Variants in MSI2 observed in about 807,000 individuals in gnomAD.
MSI2 encodes the protein RNA-binding protein Musashi homolog 2.
MSI2 carries 17 observed loss-of-function variants against 45.6 expected under a neutral mutation model. The observed-to-expected ratio is 0.37, with a 90% CI of 0.26 to 0.56. The LOEUF is 0.56. Ranked by LOEUF, MSI2 falls within the 20% of genes least tolerant of loss-of-function variation. The probability of loss-of-function intolerance (pLI) is 0.77; values close to 1 mark genes in which losing one functional copy is unlikely to be tolerated. For synonymous variants in MSI2, 156 were observed against 158.2 expected (o/e 0.99, Z 0.11); for missense variants, 293 against 444.2 (o/e 0.66, Z 3.06).
chr17:57,660,482 TG>T (rs1257215794), intron 11 of MSI2, among the ~76,000 whole-genome samples: 1 of 152,180 alleles, frequency 6.6e-6, no homozygotes, highest in Non-Finnish European at 1.5e-5. Flanking sequence ...ACCACAGCCC[TG>T]GAAGTTCCTG....
In MSI2 at chr17:57,680,562, T is replaced by C. The variant is rs368900887; in HGVS notation, c.*1045T>C. 1 of 228,172 alleles carries C rather than the reference T, an allele frequency of 4.4e-6. No individual in the cohort carries two copies. Among genetic ancestry groups the C allele is most frequent in the East Asian group, 6.3e-5 (1 of 15,976 alleles). 14.1% of individuals were successfully genotyped at this position (228,172 alleles called of 1,614,324 possible). On this transcript the variant is annotated 3_prime_UTR_variant, in exon 14 of 14. Transcript: ENST00000284073. Reference sequence around the variant, plus strand: ...CTGTTTAGCTCCTTTGTCTGTGTGATAGACCTAAGAACTGTATTAGTGTTG... The same window carrying C: ...CTGTTTAGCTCCTTTGTCTGTGTGACAGACCTAAGAACTGTATTAGTGTTG...
At chr17:57,452,172 G>A (rs73327277) in intron 6 of MSI2, among the ~76,000 whole-genome samples, 9,571 of 152,294 alleles carry the variant, frequency 0.063, 385 homozygotes, top group African/African-American at 0.09. Context: ...TTCCCTAGAC[G>A]GGAAATGGAG....
intron 7 of MSI2, among the ~76,000 whole-genome samples, chr17:57,583,775 C>T (rs570959637): frequency 6.6e-6 from 1 of 152,274 alleles, no homozygotes; most frequent in South Asian, 2.1e-4. Context: ...AACCCAACCT[C>T]CCAAAGTTTC....
chr17:57,524,335 A>C (rs2086654954), intron 6 of MSI2, among the ~76,000 whole-genome samples: 1 of 152,252 alleles, frequency 6.6e-6, no homozygotes, highest in African/African-American at 2.4e-5. Flanking sequence ...TCACAGAGGA[A>C]CGGGTGTGAG....
At chr17:57,273,326 A>G (rs895782696) in intron 5 of MSI2, among the ~76,000 whole-genome samples, 2 of 152,198 alleles carry the variant, frequency 1.3e-5, no homozygotes, top group African/African-American at 4.8e-5. Context: ...TAATAGGGGT[A>G]GTAAAGCTGA....
chr17:57,585,197 A>G (rs141378344), intron 7 of MSI2, among the ~76,000 whole-genome samples: 2 of 152,308 alleles, frequency 1.3e-5, no homozygotes, highest in East Asian at 3.9e-4. Flanking sequence ...CCTGTCCTGA[A>G]TCTTATCCCA....
At chr17:57,409,691 C>T (rs192222045) in intron 6 of MSI2, among the ~76,000 whole-genome samples, 107 of 152,162 alleles carry the variant, frequency 7.0e-4, no homozygotes, top group Middle Eastern at 6.8e-3. Flanking sequence ...TTACTTGGTA[C>T]AAGTAGTGCG....
At chr17:57,291,115 C>T (rs927479214) in intron 5 of MSI2, among the ~76,000 whole-genome samples, 17 of 152,180 alleles carry the variant, frequency 1.1e-4, no homozygotes, top group African/African-American at 3.9e-4. Flanking sequence ...CTCAATTCTG[C>T]CGGCGAGAGC....
chr17:57,385,977 T>TG (rs199691861), intron 5 of MSI2, among the ~76,000 whole-genome samples: 5,753 of 152,268 alleles, frequency 0.038, 137 homozygotes, highest in Non-Finnish European at 0.049. Context: ...TAATGGTTGA[T>TG]GTCGATTGGA....
chr17:57,431,640 T>A (rs1011480581), intron 6 of MSI2, among the ~76,000 whole-genome samples: 1 of 152,212 alleles, frequency 6.6e-6, no homozygotes. Flanking sequence ...CCCCTGGAGC[T>A]GTTTGTCCAA....
chr17:57,686,137 T>G (rs1913874370), downstream of MSI2, among the ~76,000 whole-genome samples: 1 of 152,160 alleles, frequency 6.6e-6, no homozygotes, highest in Admixed American at 6.5e-5. Context: ...CTGCTGCCCC[T>G]GGGTTCAAGC....
chr17:57,458,454 A>G (rs1241255685), intron 6 of MSI2, among the ~76,000 whole-genome samples: 1 of 152,184 alleles, frequency 6.6e-6, no homozygotes, highest in African/African-American at 2.4e-5. Flanking sequence ...AATGGCCATC[A>G]GAGATTTAGG....
chr17:57,431,914 G>C (rs578085395), intron 6 of MSI2, among the ~76,000 whole-genome samples: 2 of 152,140 alleles, frequency 1.3e-5, no homozygotes, highest in Admixed American at 6.5e-5. Flanking sequence ...AGACTCCACC[G>C]GGCATTTGGC....
At chr17:57,508,565 G>C (rs540231533) in intron 6 of MSI2, among the ~76,000 whole-genome samples, 1 of 152,296 alleles carries the variant, frequency 6.6e-6, no homozygotes, top group South Asian at 2.1e-4. Context: ...GTTTCTTTCA[G>C]GGAGCAAAGA....
chr17:57,390,738 G>A (rs2083775019), intron 5 of MSI2, among the ~76,000 whole-genome samples: 1 of 152,232 alleles, frequency 6.6e-6, no homozygotes, highest in South Asian at 2.1e-4. Context: ...TTGCTGATGA[G>A]AACAGGCCTC....
At chr17:57,657,404 T>C (rs1011291992) in intron 11 of MSI2, among the ~76,000 whole-genome samples, 21 of 151,996 alleles carry the variant, frequency 1.4e-4, no homozygotes, top group Admixed American at 1.4e-3. Context: ...GGCCCGAGGC[T>C]GGGGAGTAAG....
intron 5 of MSI2, among the ~76,000 whole-genome samples, chr17:57,399,281 A>G (rs889235165): frequency 6.6e-5 from 10 of 152,348 alleles, no homozygotes; most frequent in African/African-American, 2.2e-4. Context: ...AGGTGAAAAA[A>G]CAGTCAATCC....
chr17:57,578,318 C>T (rs896634953), intron 7 of MSI2, among the ~76,000 whole-genome samples: 8 of 152,158 alleles, frequency 5.3e-5, no homozygotes, highest in Non-Finnish European at 1.5e-5. Flanking sequence ...TATGAAATGG[C>T]ATTGTTTGTT....
At chr17:57,364,653 G>A (rs1161427646) in intron 5 of MSI2, among the ~76,000 whole-genome samples, 2 of 151,976 alleles carry the variant, frequency 1.3e-5, no homozygotes, top group Non-Finnish European at 2.9e-5. Flanking sequence ...CTCCAGCTTG[G>A]ACATCGCTGC....
Sources: gnomAD v4.1 joint callset for allele counts (sites outside exome capture counted in the v4.1 genomes callset) on GRCh38, gnomAD v4.1.1 for gene constraint, MANE v1.5 for transcripts, NCBI Gene and HGNC (gene_info 2026-07-23, HGNC 2026-07-21) for gene names.